The following TENM3 variants were observed in gnomAD, a reference collection of about 807,000 sequenced individuals.
TENM3 encodes teneurin-3.
A neutral mutation model predicts 255.1 loss-of-function variants in TENM3; 63 were observed. That is an observed-to-expected ratio of 0.25 (90% CI 0.20 to 0.30). The LOEUF (loss-of-function observed/expected upper bound fraction) is 0.30, where lower values mean the gene tolerates loss of function less well. Among genes scored for constraint, TENM3 ranks in the 10% least tolerant of loss-of-function variants. The pLI, the probability that TENM3 is intolerant of heterozygous loss-of-function variation, is 1.00. For missense variants in TENM3, 2,929 were observed against 3,461.1 expected, an observed-to-expected ratio of 0.85 and a Z score of 3.86; for synonymous variants, 1,306 against 1,322.3, an observed-to-expected ratio of 0.99 and a Z score of 0.27.
the TENM3 span, among the ~76,000 whole-genome samples, chr4:181,665,628 C>T: frequency 1.9e-4 from 28 of 145,684 alleles, no homozygotes; most frequent in Middle Eastern, 3.5e-3. Flanking sequence ...TGTATATATA[C>T]ACACACATAC....
chr4:182,174,770 A>G (rs1244764359), intron 1 of TENM3, among the ~76,000 whole-genome samples: 1 of 152,180 alleles, frequency 6.6e-6, no homozygotes, highest in African/African-American at 2.4e-5. Flanking sequence ...TGCTTATTTC[A>G]CTTTCCAGAG....
chr4:181,590,624 G>T, the TENM3 span, among the ~76,000 whole-genome samples: 5 of 152,266 alleles, frequency 3.3e-5, no homozygotes, highest in South Asian at 1.0e-3. Flanking sequence ...TATCCTTTAG[G>T]AGGAGCCAGT....
At chr4:182,487,641 C>G (rs146658500) in intron 3 of TENM3, among the ~76,000 whole-genome samples, 264 of 152,124 alleles carry the variant, frequency 1.7e-3, no homozygotes, top group African/African-American at 6.1e-3. Flanking sequence ...AATAAGTGCC[C>G]TTTTAACGCT....
intron 24 of TENM3, among the ~76,000 whole-genome samples, chr4:182,784,758 G>A (rs1480158810): frequency 6.6e-6 from 1 of 151,846 alleles, no homozygotes. Flanking sequence ...ATCTCCTGGT[G>A]TGCCGTTTTT....
chr4:182,485,499 T>C (rs1734610083), intron 3 of TENM3, among the ~76,000 whole-genome samples: 1 of 152,120 alleles, frequency 6.6e-6, no homozygotes, highest in Admixed American at 6.6e-5. Context: ...TATAAATACA[T>C]TTGTCTCACA....
At chr4:182,657,624 CCTT>C (rs1259938551) in intron 6 of TENM3, among the ~76,000 whole-genome samples, 3 of 152,126 alleles carry the variant, frequency 2.0e-5, no homozygotes, top group East Asian at 3.9e-4. Flanking sequence ...CTTCTACCAG[CCTT>C]CTTTTTATTT....
At chr4:182,696,797 G>A (rs1021517984) in intron 12 of TENM3, among the ~76,000 whole-genome samples, 31 of 151,460 alleles carry the variant, frequency 2.0e-4, no homozygotes, top group Admixed American at 1.3e-3. Context: ...GTTTTGTTGC[G>A]GTTTTTCTCA....
intron 3 of TENM3, among the ~76,000 whole-genome samples, chr4:182,406,995 G>T (rs1769627532): frequency 2.0e-5 from 3 of 152,178 alleles, no homozygotes; most frequent in African/African-American, 7.2e-5. Flanking sequence ...CGTCCAGAAT[G>T]CTGTTTGCTC....
intron 3 of TENM3, among the ~76,000 whole-genome samples, chr4:182,539,279 A>G (rs1275319733): frequency 6.6e-6 from 1 of 151,748 alleles, no homozygotes; most frequent in Non-Finnish European, 1.5e-5. Flanking sequence ...TGGTGTAGAA[A>G]ACCATCAAAC....
the TENM3 span, among the ~76,000 whole-genome samples, chr4:181,996,449 A>G: frequency 6.6e-6 from 1 of 152,130 alleles, no homozygotes; most frequent in South Asian, 2.1e-4. Flanking sequence ...GAGCCCAGGG[A>G]GCCTAGCAGT....
At chr4:181,806,473 A>G in the TENM3 span, among the ~76,000 whole-genome samples, 1 of 152,236 alleles carries the variant, frequency 6.6e-6, no homozygotes, top group Admixed American at 6.5e-5. Context: ...CCGTTGTGAC[A>G]GTATTAAGAT....
In TENM3 at chr4:182,618,715, C is replaced by T. The variant is rs200228252; in HGVS notation, c.750-9936C>T. Among the ~76,000 whole-genome samples the T allele has an allele frequency of 7.6e-4, 115 of 151,364 alleles. No homozygotes were observed. The Middle Eastern group carries it at 0.01, about 14-fold the overall frequency. On this transcript the variant is annotated intron_variant, in intron 4 of 27. Coordinates refer to ENST00000511685, the MANE Select transcript of TENM3 (RefSeq NM_001080477.4). ...TTTGACTGAACAAATAGAGGTGATT[C>T]GGTATACTGTGCGGGTCCAAAATTT...
chr4:182,186,160 G>T (rs967049917), intron 1 of TENM3, among the ~76,000 whole-genome samples: 1 of 152,106 alleles, frequency 6.6e-6, no homozygotes, highest in Non-Finnish European at 1.5e-5. Flanking sequence ...ATGTGTTCAG[G>T]TTCCTATGTG....
rs370271568 is a variant in TENM3, at chr4:182,177,742, G to A, written c.-76+32988G>A. Among the ~76,000 whole-genome samples the A allele has an allele frequency of 6.6e-5, 10 of 151,594 alleles. 1 individual carries two copies. Among genetic ancestry groups the A allele is most frequent in the African/African-American group, 2.4e-4 (10 of 41,346 alleles). On this transcript the variant is annotated intron_variant, in intron 1 of 2. Transcript: ENST00000512480. The stretch of plus-strand genomic sequence containing the variant: ...AGGGTTTCACCATGTTGTCCAGGCT[G>A]GTCTTGAACTCCTGGGCTCAAGTGA...
chr4:181,660,558 G>A, the TENM3 span, among the ~76,000 whole-genome samples: 1 of 152,134 alleles, frequency 6.6e-6, no homozygotes, highest in African/African-American at 2.4e-5. Flanking sequence ...TAGCCAAGTT[G>A]ATGCCAGTAG....
intron 3 of TENM3, among the ~76,000 whole-genome samples, chr4:182,499,867 A>C (rs986491816): frequency 1.3e-5 from 2 of 152,162 alleles, no homozygotes; most frequent in African/African-American, 4.8e-5. Context: ...ACATTTACAG[A>C]CTATAATAAT....
At chr4:182,062,736 A>C in the TENM3 span, among the ~76,000 whole-genome samples, 1 of 152,206 alleles carries the variant, frequency 6.6e-6, no homozygotes, top group African/African-American at 2.4e-5. Flanking sequence ...TTGGACTCCA[A>C]GTGGTTTTGA....
chr4:182,107,665 A>G, the TENM3 span, among the ~76,000 whole-genome samples: 1 of 152,204 alleles, frequency 6.6e-6, no homozygotes, highest in Non-Finnish European at 1.5e-5. Context: ...TTAAAGAAGG[A>G]CAGGTACTTA....
chr4:182,231,651 G>A (rs1421371156), intron 1 of TENM3, among the ~76,000 whole-genome samples: 1 of 152,196 alleles, frequency 6.6e-6, no homozygotes, highest in East Asian at 1.9e-4. Context: ...GGTCCTCTCA[G>A]CTGTTTCAGG....
Sources: gnomAD v4.1 joint callset for allele counts (sites outside exome capture counted in the v4.1 genomes callset) on GRCh38, gnomAD v4.1.1 for gene constraint, MANE v1.5 for transcripts, NCBI Gene and HGNC (gene_info 2026-07-23, HGNC 2026-07-21) for gene names.